The following ZNF254 variants were observed in gnomAD, a reference collection of about 807,000 sequenced individuals.
The protein encoded by ZNF254 is zinc finger protein 254, also known as CTD-2017D11.1.
A neutral mutation model predicts 12.4 loss-of-function variants in ZNF254; 10 were observed. The observed-to-expected ratio is 0.80, with a 90% confidence interval of 0.50 to 1.36. ZNF254 has a LOEUF of 1.36. ZNF254 is among the 40% of genes most tolerant of loss of function. ZNF254 has a pLI of 0.00. For synonymous variants in ZNF254, 305 were observed against 253.4 expected (o/e 1.20, Z -1.93); for missense variants, 996 against 763.9 (o/e 1.30, Z -3.58).
At chr19:24,094,522 G>A (rs947894141) in intron 1 of ZNF254, among the ~76,000 whole-genome samples, 14 of 152,032 alleles carry the variant, frequency 9.2e-5, no homozygotes, top group African/African-American at 3.4e-4. Flanking sequence ...GCCTCCCAAA[G>A]TGCTGGGATT....
intron 2 of ZNF254, chr19:24,065,472 T>C (rs562973146): frequency 1.8e-4 from 27 of 152,296 alleles, no homozygotes; most frequent in African/African-American, 6.3e-4. Context: ...GGTGGAATTG[T>C]GACATATAAC....
Position 24,071,002 on chromosome 19 carries a change from G to A in ZNF254, c.-94+24723G>A, listed in dbSNP as rs569766990. Among the ~76,000 whole-genome samples, 29 of 152,136 alleles carry A rather than the reference G, an allele frequency of 1.9e-4. No individual in the cohort carries two copies. In the South Asian group the frequency reaches 4.2e-3, roughly 22 times the overall value. On this transcript the variant is annotated intron_variant, in intron 2 of 4. Coordinates refer to the ZNF254 transcript ENST00000613065. ...CCAATTTTGCCATATTTCTGAACCC[G>A]TCATCTATTTGATGTTACTCTCCAC...
chr19:24,041,082 C>CCAT lies in ZNF254; in HGVS notation c.-189-5102_-189-5101insCAT, dbSNP rs562607640. On this transcript the variant is annotated intron_variant, in intron 1 of 4. Transcript: ENST00000613065. ...AGAAGCAATGGTCAGCTAAGTGGTT[C>CCAT]TTAGCCCAGGCTTCCAGTTAGGATA... Among the ~76,000 whole-genome samples the CCAT allele has an allele frequency of 3.0e-4, 45 of 152,372 alleles. No individual in the cohort carries two copies. In the East Asian group the frequency reaches 8.5e-3, roughly 29 times the overall value.
At position 24,129,107 on chromosome 19, in the gene ZNF254, TAGAG is replaced by T. The variant is rs993466993; in HGVS notation, c.*1130_*1133del. 1 of 152,002 alleles carries T rather than the reference TAGAG, an allele frequency of 6.6e-6. No individual in the cohort carries two copies. The highest frequency in any genetic ancestry group is 1.5e-5 in the Non-Finnish European group (1 of 67,894). 9.4% of individuals were successfully genotyped at this position (152,002 alleles called of 1,614,324 possible). Reference sequence around the variant, plus strand: ...GTAAGATGCGTGAGGAAAATTTAGGTAGAGAGGCTCTTTGTGGTTAACTTATAAT... The same window carrying T: ...GTAAGATGCGTGAGGAAAATTTAGGTAGGCTCTTTGTGGTTAACTTATAAT... On this transcript the variant is annotated 3_prime_UTR_variant, in exon 4 of 4. Transcript: ENST00000357002.
At chr19:24,093,030 T>TTGG (rs931385607) in intron 1 of ZNF254, among the ~76,000 whole-genome samples, 37 of 152,350 alleles carry the variant, frequency 2.4e-4, no homozygotes, top group African/African-American at 7.7e-4. Flanking sequence ...GTGGTTTTTC[T>TTGG]TTGCATTTCT....
intron 3 of ZNF254, among the ~76,000 whole-genome samples, chr19:24,118,484 T>C (rs188717892): frequency 6.6e-6 from 1 of 152,292 alleles, no homozygotes; most frequent in African/African-American, 2.4e-5. Flanking sequence ...ATTTTTTGTG[T>C]CCTTTCAAAT....
Position 24,121,167 on chromosome 19 carries a change from A to G in ZNF254, c.254-5087A>G, listed in dbSNP as rs906432982. Among the ~76,000 whole-genome samples, 17 of 151,984 alleles carry G rather than the reference A, an allele frequency of 1.1e-4. No homozygotes were observed. The South Asian group carries it at 1.7e-3, about 15-fold the overall frequency. On this transcript the variant is annotated intron_variant, in intron 3 of 3. Transcript: ENST00000357002. ...TTTAAATCAAATATTCTTGGTTACA[A>G]TTTTTGTTTGTTTGTTTTACTACAT...
chr19:24,085,768 C>T (rs1972016043), upstream of ZNF254, among the ~76,000 whole-genome samples: 1 of 149,670 alleles, frequency 6.7e-6, no homozygotes, highest in Non-Finnish European at 1.5e-5. Context: ...CAAGCCTCTC[C>T]TGGAAATAAA....
chr19:24,084,032 A>G (rs1971940779), upstream of ZNF254, among the ~76,000 whole-genome samples: 1 of 151,756 alleles, frequency 6.6e-6, no homozygotes, highest in South Asian at 2.1e-4. Context: ...AGATACTTGC[A>G]CATGCATGTT....
chr19:24,075,465 G>A (rs1466067516), intron 2 of ZNF254, among the ~76,000 whole-genome samples: 1 of 152,206 alleles, frequency 6.6e-6, no homozygotes, highest in African/African-American at 2.4e-5. Context: ...CATGTCAGCA[G>A]GTTCCACGAT....
chr19:24,107,030 AGTAGTTTCTGTT>A, intron 3 of ZNF254: 2 of 457,190 alleles, frequency 4.4e-6, no homozygotes. Context: ...GTGTGAGAGT[AGTAGTTTCTGTT>A]ATATTGGGTT....
chr19:24,089,571 A>G (rs553815692), intron 1 of ZNF254, among the ~76,000 whole-genome samples: 1 of 152,190 alleles, frequency 6.6e-6, no homozygotes, highest in Non-Finnish European at 1.5e-5. Context: ...CACCATGGCT[A>G]TGTCTGCTTA....
rs1206674229 is a variant in ZNF254 at position 24,126,373 on chromosome 19, G to A, written c.373G>A (p.Gly125Ser). The A allele has an allele frequency of 4.3e-6, 7 of 1,609,554 alleles. No homozygotes were observed. Among genetic ancestry groups the A allele is most frequent in the East Asian group, 2.2e-5 (1 of 44,804 alleles). Residue 125 changes from glycine to serine, a missense_variant, in exon 4 of 4, where the codon GGC becomes AGC. By Grantham distance (56) the Gly-to-Ser change is moderately conservative. Coordinates refer to ENST00000357002, the MANE Select transcript of ZNF254 (RefSeq NM_203282.4). The stretch of plus-strand genomic sequence containing the variant: ...ACATGAGAATTTACAGTTAAGAAAA[G>A]GCTGTAAAAGTGTGGATGAGTATAA... ...YGHENLQLRK[G>S]CKSVDEYKVN... is the part of the protein sequence containing the mutation.
rs80070854 is a variant in ZNF254 at position 24,060,375 on chromosome 19, A to G, written c.-94+14096A>G. Among the ~76,000 whole-genome samples the G allele has an allele frequency of 4.6e-3, 708 of 152,286 alleles. 39 individuals are homozygous for G. In the East Asian group the frequency reaches 0.12, roughly 27 times the overall value. ...AAACTAACACATCACTAGGCCCATC[A>G]GCGAAATTATTTTGCCTGGCCCTGC... is the stretch of plus-strand genomic sequence containing the variant. On this transcript the variant is annotated intron_variant, in intron 2 of 4. Transcript: ENST00000613065.
chr19:24,034,488 G>GGTTTTTTTTTTTT (rs1568418280), intron 1 of ZNF254, among the ~76,000 whole-genome samples: 1 of 107,330 alleles, frequency 9.3e-6, no homozygotes. Context: ...AGGTAAGTGG[G>GGTTTTTTTTTTTT]TTTTTTTTTT....
At chr19:24,084,818 G>C (rs770360584), upstream of ZNF254, among the ~76,000 whole-genome samples, 36 of 151,456 alleles carry the variant, frequency 2.4e-4, no homozygotes, top group African/African-American at 3.4e-4. Flanking sequence ...TTAGATACAT[G>C]TTTTTGCCAT....
At position 24,126,580 on chromosome 19, in the gene ZNF254, C is replaced by T. The variant is rs766014755; in HGVS notation, c.580C>T (p.Leu194Phe). ...CKKRVKLFCMLSHKTQHKSIY... is the reference protein window; with the variant it reads ...CKKRVKLFCMFSHKTQHKSIY... Reference sequence around the variant, plus strand: ...AAAACGTGTCAAATTATTTTGCATGCTTTCACATAAAACCCAACACAAAAG... The same window carrying T: ...AAAACGTGTCAAATTATTTTGCATGTTTTCACATAAAACCCAACACAAAAG... Residue 194 changes from leucine (L) to phenylalanine (F), a missense_variant, in exon 4 of 4, where the codon CTT becomes TTT. Transcript: ENST00000357002. The T allele has an allele frequency of 3.7e-6, 6 of 1,604,382 alleles. No individual in the cohort carries two copies. Among genetic ancestry groups the T allele is most frequent in the Middle Eastern group, 1.7e-4 (1 of 6,000 alleles).
intron 2 of ZNF254, among the ~76,000 whole-genome samples, chr19:24,049,933 T>G (rs781210302): frequency 6.6e-6 from 1 of 151,880 alleles, no homozygotes; most frequent in African/African-American, 2.4e-5. Flanking sequence ...TTTTCTCCTC[T>G]TCTAGGTTTT....
At chr19:24,059,491 AT>A (rs1247685989) in intron 2 of ZNF254, among the ~76,000 whole-genome samples, 1 of 152,154 alleles carries the variant, frequency 6.6e-6, no homozygotes, top group Non-Finnish European at 1.5e-5. Flanking sequence ...ATTGTGACAT[AT>A]TGCTAGACTG....
Sources: gnomAD v4.1 joint callset for allele counts (sites outside exome capture counted in the v4.1 genomes callset) on GRCh38, gnomAD v4.1.1 for gene constraint, MANE v1.5 for transcripts, NCBI Gene and HGNC (gene_info 2026-07-23, HGNC 2026-07-21) for gene names.